The following MARK4 variants were observed in gnomAD, a reference collection of about 807,000 sequenced individuals.
MARK4 encodes the protein MAP/microtubule affinity-regulating kinase 4.
MARK4 carries 19 observed loss-of-function variants against 81.5 expected under a neutral mutation model. That is an observed-to-expected ratio of 0.23 (90% CI 0.16 to 0.34). The LOEUF (loss-of-function observed/expected upper bound fraction) is 0.34, where lower values mean the gene tolerates loss of function less well. Among genes scored for constraint, MARK4 ranks in the 10% least tolerant of loss-of-function variants. The probability of loss-of-function intolerance (pLI) is 1.00; values close to 1 mark genes in which losing one functional copy is unlikely to be tolerated. For synonymous variants in MARK4, 436 were observed against 439.0 expected (o/e 0.99, Z 0.08); for missense variants, 772 against 1,058.8 (o/e 0.73, Z 3.76).
At chr19:45,297,557 C>G in intron 14 of MARK4, 119 bp from the exon 15 acceptor site, 1 of 625,302 alleles carries the variant, frequency 1.6e-6, no homozygotes, top group Non-Finnish European at 2.8e-6. Context: ...GCAGCCCTGT[C>G]TCTGAGTTCC....
intron 1 of MARK4, among the ~76,000 whole-genome samples, chr19:45,257,533 G>A (rs574026098): frequency 1.5e-4 from 22 of 149,960 alleles, no homozygotes; most frequent in African/African-American, 3.9e-4. Flanking sequence ...ACAGGTGCGC[G>A]TCACCATGTC....
chr19:45,299,744 C>A, intron 15 of MARK4, 67 bp from the exon 16 acceptor site: 1 of 1,444,726 alleles, frequency 6.9e-7, no homozygotes, highest in Non-Finnish European at 9.4e-7. Flanking sequence ...GTCCCAGAGG[C>A]AGTGGGTTGC....
rs1461380503 is a variant in MARK4, at chr19:45,271,663, C to T, written c.741C>T (p.Tyr247=). 3.1e-6 allele frequency: 5 copies of T among 1,614,016 alleles called. No homozygotes were observed. The Admixed American group carries it at 5.0e-5, about 16-fold the overall frequency. Residue 247 remains tyrosine (Y), a synonymous_variant, in exon 8 of 17, where the codon TAC becomes TAT. Coordinates refer to ENST00000262891, the MANE Select transcript of MARK4 (RefSeq NM_001199867.2). The surrounding 1 kb of genome is among the most constrained non-coding windows in gnomAD (Gnocchi z 4.1). The part of the protein sequence containing the change: ...VDIWSLGVIL[Y]TLVSGSLPFD... Reference sequence around the variant, plus strand: ...TCTGGAGCCTGGGAGTCATCCTGTACACCCTCGTCAGCGGCTCCCTGCCCT... The same window carrying T: ...TCTGGAGCCTGGGAGTCATCCTGTATACCCTCGTCAGCGGCTCCCTGCCCT...
At chr19:45,281,568 C>T (rs1265110896) in intron 12 of MARK4, among the ~76,000 whole-genome samples, 3 of 151,786 alleles carry the variant, frequency 2.0e-5, no homozygotes, top group African/African-American at 4.8e-5. Context: ...ACCATGTTGG[C>T]CAGGCTGCTC....
chr19:45,303,460 G>A lies in MARK4; in HGVS notation c.*750G>A, dbSNP rs963875950. The A allele has an allele frequency of 8.6e-5, 13 of 152,022 alleles. No individual in the cohort carries two copies. The highest frequency in any genetic ancestry group is 1.9e-4 in the African/African-American group (8 of 41,358). 9.4% of individuals were successfully genotyped at this position (152,022 alleles called of 1,614,324 possible). On this transcript the variant is annotated 3_prime_UTR_variant, in exon 17 of 17. Transcript: ENST00000262891. ...AATCCAGGCAGTGGTTTTTCCTTTC[G>A]GAGCCTCGGTTTTCTCATCTGCAGA... is the stretch of plus-strand genomic sequence containing the variant.
chr19:45,289,446 A>G (rs1012537042), intron 13 of MARK4, among the ~76,000 whole-genome samples: 1 of 150,664 alleles, frequency 6.6e-6, no homozygotes, highest in Non-Finnish European at 1.5e-5. Context: ...AAATACTTAT[A>G]GTTATCCTTT....
rs1971029280 is a variant in MARK4, at chr19:45,304,847, G to A, written c.*2137G>A. The A allele has an allele frequency of 1.3e-5, 2 of 152,394 alleles. No individual in the cohort carries two copies. 9.4% of individuals were successfully genotyped at this position (152,394 alleles called of 1,614,324 possible). ...GGCACATACAAGGGCCAGGGAGCAA[G>A]AGAGAGGACAGGTCCTCAACAAATG... is the stretch of plus-strand genomic sequence containing the variant. On this transcript the variant is annotated 3_prime_UTR_variant, in exon 17 of 17. Transcript: ENST00000262891.
At chr19:45,265,205 G>T (rs1486789644) in intron 6 of MARK4, among the ~76,000 whole-genome samples, 1 of 152,050 alleles carries the variant, frequency 6.6e-6, no homozygotes, top group Non-Finnish European at 1.5e-5. Context: ...GCGTAGGTGT[G>T]TGGGTGATGG....
At chr19:45,256,879 G>T (rs1469454820) in intron 1 of MARK4, among the ~76,000 whole-genome samples, 2 of 152,108 alleles carry the variant, frequency 1.3e-5, no homozygotes, top group African/African-American at 2.4e-5. Context: ...TCACATTTTG[G>T]TAATTCACAC....
At chr19:45,259,389 C>T (rs914225518) in intron 2 of MARK4, among the ~76,000 whole-genome samples, 200 bp downstream of exon 2, 3 of 152,140 alleles carry the variant, frequency 2.0e-5, no homozygotes, top group Non-Finnish European at 4.4e-5. Flanking sequence ...TTCATGTATC[C>T]CTGAAATTGC....
chr19:45,274,874 G>T (rs1003685031), intron 8 of MARK4, among the ~76,000 whole-genome samples: 1 of 152,226 alleles, frequency 6.6e-6, no homozygotes, highest in Admixed American at 6.5e-5. Flanking sequence ...CAGCTGAGAA[G>T]AGGCAGGTTC....
intron 1 of MARK4, 91 bp downstream of exon 1, chr19:45,251,730 C>G: frequency 1.6e-6 from 2 of 1,246,952 alleles, no homozygotes; most frequent in Non-Finnish European, 2.2e-6. Flanking sequence ...CGAGCCCCTA[C>G]CCTCGTTTCC....
intron 2 of MARK4, 40 bp downstream of exon 2, chr19:45,259,229 G>T (rs756669253): frequency 1.2e-6 from 2 of 1,603,084 alleles, no homozygotes; most frequent in Non-Finnish European, 1.7e-6. Context: ...GCAGGTCCCT[G>T]TGGGACCAGG....
At chr19:45,301,210 G>A in intron 16 of MARK4, among the ~76,000 whole-genome samples, 1 of 152,128 alleles carries the variant, frequency 6.6e-6, no homozygotes, top group East Asian at 1.9e-4. Context: ...TTGAGCCCAG[G>A]AGGTCGAGGC....
At chr19:45,266,328 CA>C in intron 7 of MARK4, 47 bp downstream of exon 7, 1 of 1,584,576 alleles carries the variant, frequency 6.3e-7, no homozygotes, top group Non-Finnish European at 8.7e-7. Context: ...GCTCAGCCCA[CA>C]GACTTCTCCC....
At chr19:45,267,844 A>C (rs991294290) in intron 7 of MARK4, among the ~76,000 whole-genome samples, 1 of 151,520 alleles carries the variant, frequency 6.6e-6, no homozygotes, top group Non-Finnish European at 1.5e-5. Flanking sequence ...AGTTTTTTGT[A>C]GACAAGGGAT....
intron 15 of MARK4, among the ~76,000 whole-genome samples, chr19:45,298,662 A>G (rs1230115840): frequency 6.6e-6 from 1 of 152,206 alleles, no homozygotes; most frequent in Non-Finnish European, 1.5e-5. Context: ...AGCAAAATGT[A>G]CAAAACTCCT....
chr19:45,294,509 A>G, intron 14 of MARK4, 57 bp downstream of exon 14: 3 of 1,444,104 alleles, frequency 2.1e-6, no homozygotes, highest in South Asian at 1.2e-5. Context: ...GGTGAACAGG[A>G]CCTCCCTTGA....
chr19:45,298,172 A>G (rs746882494), intron 15 of MARK4: 1 of 1,613,396 alleles, frequency 6.2e-7, no homozygotes, highest in Non-Finnish European at 8.5e-7. Flanking sequence ...AAACGGCAGA[A>G]CTCTAACCGC....
Sources: gnomAD v4.1 joint callset for allele counts (sites outside exome capture counted in the v4.1 genomes callset) on GRCh38, gnomAD v4.1.1 for gene constraint, Gnocchi (gnomAD v3.1) non-coding constraint, MANE v1.5 for transcripts, NCBI Gene and HGNC (gene_info 2026-07-23, HGNC 2026-07-21) for gene names.